The following ANKRD55 variants were observed in gnomAD, a reference collection of about 807,000 sequenced individuals.
ANKRD55 encodes ankyrin repeat domain-containing protein 55.
In ANKRD55, 41 loss-of-function variants were observed where a neutral mutation model predicts 60.6. The observed-to-expected ratio is 0.68, with a 90% CI of 0.53 to 0.88. ANKRD55 has a LOEUF of 0.88. ANKRD55 is among the 40% of genes least tolerant of loss of function. ANKRD55 has a pLI of 0.00. For synonymous variants in ANKRD55, 264 were observed against 290.3 expected (o/e 0.91, Z 0.92); for missense variants, 732 against 767.6 (o/e 0.95, Z 0.55).
chr5:56,135,313 TTC>T (rs1757553625), intron 7 of ANKRD55, among the ~76,000 whole-genome samples: 1 of 12,564 alleles, frequency 8.0e-5, no homozygotes, highest in Non-Finnish European at 1.6e-4. Flanking sequence ...CTTTCTTTCT[TTC>T]TTTCTTTCTT....
chr5:56,116,966 C>T, intron 8 of ANKRD55, 184 bp from the exon 9 acceptor site: 2 of 539,288 alleles, frequency 3.7e-6, no homozygotes, highest in South Asian at 2.7e-5. Context: ...GTAGGGGCCT[C>T]TCCTCTAGCT....
At position 56,199,661 on chromosome 5, in the gene ANKRD55, T is replaced by C. The variant is rs561151957; in HGVS notation, c.59-16027A>G. Among the ~76,000 whole-genome samples the C allele has an allele frequency of 8.7e-5, 13 of 149,530 alleles. No homozygotes were observed. In the South Asian group the frequency reaches 1.1e-3, roughly 12 times the overall value. On this transcript the variant is annotated intron_variant, in intron 2 of 11. Coordinates refer to ENST00000341048, the MANE Select transcript of ANKRD55 (RefSeq NM_024669.3). ...ATCCCAGCACTTTGGGAGGCCGAGG[T>C]GGGCGGATCACAAGGTCAGGAGATC... is the stretch of plus-strand genomic sequence containing the variant.
At chr5:56,191,893 G>C (rs1414924688) in intron 2 of ANKRD55, among the ~76,000 whole-genome samples, 1 of 152,184 alleles carries the variant, frequency 6.6e-6, no homozygotes, top group Non-Finnish European at 1.5e-5. Context: ...AAATAATTGG[G>C]CACAAACTTA....
chr5:56,105,107 G>A (rs1756416334), intron 10 of ANKRD55, among the ~76,000 whole-genome samples: 1 of 144,936 alleles, frequency 6.9e-6, no homozygotes. Context: ...TTTTTTTGGA[G>A]ACAGTGTCTC....
intron 2 of ANKRD55, among the ~76,000 whole-genome samples, chr5:56,227,396 G>A (rs2111898816): frequency 6.6e-6 from 1 of 151,768 alleles, no homozygotes; most frequent in South Asian, 2.1e-4. Flanking sequence ...TAAATGACGA[G>A]TTAATGGGTG....
At chr5:56,115,372 G>T (rs947847745) in intron 9 of ANKRD55, among the ~76,000 whole-genome samples, 2 of 149,242 alleles carry the variant, frequency 1.3e-5, no homozygotes, top group Admixed American at 6.7e-5. Flanking sequence ...AGGCTGGAGT[G>T]CAGTGGCACT....
chr5:56,192,766 A>G, intron 2 of ANKRD55: 1 of 1,121,098 alleles, frequency 8.9e-7, no homozygotes, highest in Non-Finnish European at 1.3e-6. Context: ...GCCAACGTAA[A>G]GATGAGAACA....
intron 2 of ANKRD55, among the ~76,000 whole-genome samples, chr5:56,223,972 C>G (rs149528): frequency 0.41 from 61,762 of 151,908 alleles, 13,960 homozygotes; most frequent in East Asian, 0.84. Flanking sequence ...GAACTCAGCT[C>G]TGCACCAAGC....
chr5:56,131,241 A>T (rs1757401825), intron 7 of ANKRD55, among the ~76,000 whole-genome samples: 1 of 152,156 alleles, frequency 6.6e-6, no homozygotes, highest in South Asian at 2.1e-4. Context: ...ATAAAGAAAA[A>T]GTCCAGAAGG....
intron 2 of ANKRD55, among the ~76,000 whole-genome samples, chr5:56,228,230 G>C (rs1385883529): frequency 6.6e-6 from 1 of 152,114 alleles, no homozygotes; most frequent in African/African-American, 2.4e-5. Flanking sequence ...TATCTGGGTG[G>C]TCCCTAAATG....
At chr5:56,142,679 G>C (rs1024719351) in intron 7 of ANKRD55, among the ~76,000 whole-genome samples, 2 of 152,214 alleles carry the variant, frequency 1.3e-5, no homozygotes, top group East Asian at 1.9e-4. Flanking sequence ...GCCCAGCCAG[G>C]TTCCTCTGTG....
In ANKRD55 at chr5:56,227,231, C is replaced by T. The variant is rs550910698; in HGVS notation, c.58+5625G>A. On this transcript the variant is annotated intron_variant, in intron 2 of 11. Coordinates refer to ENST00000341048, the MANE Select transcript of ANKRD55 (RefSeq NM_024669.3). ...GAAGCCATCATTCTGAGCAAACTAT[C>T]GCAAGGACAGAAAACCAAACACCAC... Among the ~76,000 whole-genome samples the T allele has an allele frequency of 9.2e-5, 14 of 151,674 alleles. No homozygotes were observed. In the East Asian group the frequency reaches 9.8e-4, roughly 11 times the overall value.
At position 56,143,713 on chromosome 5, in the gene ANKRD55, C is replaced by T. The variant is rs115123772; in HGVS notation, c.612+88G>A. On this transcript the variant is annotated intron_variant, in intron 7 of 11. Transcript: ENST00000341048. ...GAGCTGAATCAAGAGCTGAAACCTC[C>T]ATCTTTAAAGTTTGACCTACTCAGA... The T allele has an allele frequency of 2.0e-3, 3,049 of 1,561,680 alleles. 16 individuals carry two copies. Among genetic ancestry groups the T allele is most frequent in the Non-Finnish European group, 1.8e-3 (2,084 of 1,143,332 alleles).
At chr5:56,205,514 G>T (rs954834189) in intron 2 of ANKRD55, among the ~76,000 whole-genome samples, 2 of 152,192 alleles carry the variant, frequency 1.3e-5, no homozygotes, top group African/African-American at 2.4e-5. Context: ...GTTTAAGCAG[G>T]TTCTGACCAA....
chr5:56,129,533 A>C (rs1757355313), intron 7 of ANKRD55, among the ~76,000 whole-genome samples: 1 of 152,166 alleles, frequency 6.6e-6, no homozygotes, highest in Non-Finnish European at 1.5e-5. Context: ...ACTCATAAGA[A>C]GACTTGCCAA....
At position 56,102,509 on chromosome 5, in the gene ANKRD55, G is replaced by A. The variant is rs1335326873; in HGVS notation, c.1708C>T (p.Leu570=). ...LPFTRNNLAP[L]PDQKFLSGEP... The stretch of plus-strand genomic sequence containing the variant: ...TAATACTTACATTTTTGATCTGGTA[G>A]GGGAGCTAGGTTGTTCCGAGTGAAA... Residue 570 remains leucine, a synonymous_variant, in exon 11 of 12, where the codon CTA becomes TTA. Coordinates refer to ENST00000341048, the MANE Select transcript of ANKRD55 (RefSeq NM_024669.3). The A allele has an allele frequency of 6.2e-7, 1 of 1,612,488 alleles. No individual in the cohort carries two copies. The highest frequency in any genetic ancestry group is 8.5e-7 in the Non-Finnish European group (1 of 1,178,840).
chr5:56,129,232 G>A (rs1757348844), intron 7 of ANKRD55, among the ~76,000 whole-genome samples: 1 of 152,184 alleles, frequency 6.6e-6, no homozygotes, highest in Non-Finnish European at 1.5e-5. Context: ...GAAGAAATGG[G>A]ACTGTGGTCC....
intron 8 of ANKRD55, among the ~76,000 whole-genome samples, chr5:56,122,461 G>A (rs1757095179): frequency 6.6e-6 from 1 of 151,780 alleles, no homozygotes; most frequent in Non-Finnish European, 1.5e-5. Flanking sequence ...GACCAGTCTG[G>A]CCAACATGGT....
At chr5:56,120,249 A>G (rs1295161393) in intron 8 of ANKRD55, among the ~76,000 whole-genome samples, 2 of 152,002 alleles carry the variant, frequency 1.3e-5, no homozygotes, top group Non-Finnish European at 2.9e-5. Flanking sequence ...GTTGGCCAGG[A>G]TGGTTTCGAT....
Sources: allele counts gnomAD v4.1 joint callset (sites outside exome capture counted in the v4.1 genomes callset), GRCh38; gene constraint gnomAD v4.1.1; transcripts MANE v1.5; gene names NCBI Gene and HGNC (gene_info 2026-07-23, HGNC 2026-07-21).